TJP3: variants seen among roughly 807,000 people sequenced by gnomAD.
TJP3 encodes tight junction protein ZO-3.
A neutral mutation model predicts 104.2 loss-of-function variants in TJP3; 85 were observed. The ratio of observed to expected loss-of-function variants is 0.82; its 90% CI spans 0.68 to 0.98. The LOEUF (loss-of-function observed/expected upper bound fraction) is 0.98, where lower values mean the gene tolerates loss of function less well. Among genes scored for constraint, TJP3 ranks in the 50% least tolerant of loss-of-function variants. The pLI, the probability that TJP3 is intolerant of heterozygous loss-of-function variation, is 0.00. For missense variants in TJP3, 1,367 were observed against 1,322.8 expected (o/e 1.03, Z -0.52); for synonymous variants, 550 against 550.6 (o/e 1.00, Z 0.02).
At chr19:3,725,992 C>T (rs2036592133) in intron 1 of TJP3, among the ~76,000 whole-genome samples, 2 of 152,238 alleles carry the variant, frequency 1.3e-5, no homozygotes, top group African/African-American at 4.8e-5. Flanking sequence ...CCTCCACCCG[C>T]CTTCCCACTC....
intron 18 of TJP3, among the ~76,000 whole-genome samples, chr19:3,747,510 G>A (rs2145706567): frequency 6.6e-6 from 1 of 152,254 alleles, no homozygotes; most frequent in Middle Eastern, 3.4e-3. Context: ...ACTCCAGCCT[G>A]GCAACAGAGA....
intron 1 of TJP3, among the ~76,000 whole-genome samples, chr19:3,723,675 T>G (rs2036565763): frequency 6.6e-6 from 1 of 151,416 alleles, no homozygotes; most frequent in Non-Finnish European, 1.5e-5. Context: ...CGCCTGTAAT[T>G]CTAGCTACTT....
chr19:3,748,864 T>TC (rs2036946255), intron 19 of TJP3, among the ~76,000 whole-genome samples: 1 of 127,628 alleles, frequency 7.8e-6, no homozygotes, highest in East Asian at 2.2e-4. Flanking sequence ...TTTTTTTTTT[T>TC]TTTTTTTTTT....
chr19:3,738,777 C>A, intron 12 of TJP3, 114 bp downstream of exon 12: 1 of 1,314,522 alleles, frequency 7.6e-7, no homozygotes, highest in Non-Finnish European at 1.1e-6. Flanking sequence ...ACCCTCCATC[C>A]CTCTCCCTGG....
intron 1 of TJP3, among the ~76,000 whole-genome samples, chr19:3,710,617 G>T (rs2036424938): frequency 6.6e-6 from 1 of 152,204 alleles, no homozygotes; most frequent in African/African-American, 2.4e-5. Context: ...TGTTTGCTCA[G>T]GGTGGAACCT....
intron 8 of TJP3, among the ~76,000 whole-genome samples, chr19:3,735,000 A>G (rs1407836987): frequency 6.6e-6 from 1 of 151,942 alleles, no homozygotes; most frequent in African/African-American, 2.4e-5. Context: ...TTGTTTTGAG[A>G]CTGAGTCATG....
chr19:3,749,252 C>T (rs923111757), intron 19 of TJP3, among the ~76,000 whole-genome samples: 17 of 152,110 alleles, frequency 1.1e-4, no homozygotes, highest in African/African-American at 3.6e-4. Context: ...TGGCACAGGG[C>T]GGTGGTGAGC....
In TJP3 at chr19:3,746,744, C is replaced by T; in HGVS notation, c.2222-32C>T. Reference sequence around the variant, plus strand: ...TAGGCGGGTGGGCCCCAGCCTGAGTCTCCTGCACACACTGACGTCCCCTCC... The same window carrying T: ...TAGGCGGGTGGGCCCCAGCCTGAGTTTCCTGCACACACTGACGTCCCCTCC... On this transcript the variant is annotated intron_variant, in intron 17 of 20. Coordinates refer to ENST00000541714, the MANE Select transcript of TJP3 (RefSeq NM_001267560.2). The surrounding 1 kb of genome is among the most constrained non-coding windows in gnomAD (Gnocchi z 4.1). The T allele has an allele frequency of 6.2e-7, 1 of 1,600,236 alleles. No homozygotes were observed. Among genetic ancestry groups the T allele is most frequent in the Non-Finnish European group, 8.5e-7 (1 of 1,173,250 alleles).
chr19:3,746,410 T>TC lies in TJP3; in HGVS notation c.2011-74dup. ...GGGGTCCACTCTGACCTCAGACTCT[T>TC]CATCTTTCTATCTTTCTCTCTCTGT... is the stretch of plus-strand genomic sequence containing the variant. On this transcript the variant is annotated intron_variant, in intron 16 of 20. Transcript: ENST00000541714. This position sits in a 1 kb window ranked among gnomAD's most constrained non-coding sequence, Gnocchi z 4.1. 6.6e-7 allele frequency: 1 copy of TC among 1,526,428 alleles called. No homozygotes were observed. The highest frequency in any genetic ancestry group is 9.0e-7 in the Non-Finnish European group (1 of 1,113,974). 94.6% of individuals were successfully genotyped at this position (1,526,428 alleles called of 1,614,324 possible). A position where few individuals can be genotyped will look rare whatever the true frequency, so the allele number is the denominator to read the frequency against.
Position 3,736,152 on chromosome 19 carries a change from C to A in TJP3, c.1128-13C>A. On this transcript the variant is annotated splice_polypyrimidine_tract_variant and intron_variant, in intron 10 of 20. Coordinates refer to ENST00000541714, the MANE Select transcript of TJP3 (RefSeq NM_001267560.2). Reference sequence around the variant, plus strand: ...CCACTCTGCTCTGACCCCATCTCTGCCTCCCCTTGCAGGTACAGCCCCGAC... The same window carrying A: ...CCACTCTGCTCTGACCCCATCTCTGACTCCCCTTGCAGGTACAGCCCCGAC... 6.3e-7 allele frequency: 1 copy of A among 1,575,456 alleles called. No homozygotes were observed.
chr19:3,716,134 G>A lies in TJP3; in HGVS notation c.-10+7573G>A, dbSNP rs1379411531. Reference sequence around the variant, plus strand: ...ATTGCCCAGGCTGGAGTGCAGTGGCGCCATCTCAGATCACTGCGACCTCTG... The same window carrying A: ...ATTGCCCAGGCTGGAGTGCAGTGGCACCATCTCAGATCACTGCGACCTCTG... On this transcript the variant is annotated intron_variant, in intron 1 of 20. Transcript: ENST00000541714. Among the ~76,000 whole-genome samples, 5 of 145,514 alleles carry A rather than the reference G, an allele frequency of 3.4e-5. 1 individual carries two copies. Among genetic ancestry groups the A allele is most frequent in the Non-Finnish European group, 7.7e-5 (5 of 64,636 alleles).
chr19:3,732,170 C>A, intron 6 of TJP3, 132 bp downstream of exon 6: 1 of 684,856 alleles, frequency 1.5e-6, no homozygotes, highest in Non-Finnish European at 2.3e-6. Context: ...TTGCTTGTAT[C>A]TCAAAGGTTG....
chr19:3,731,235 C>G (rs1311894801), intron 5 of TJP3, among the ~76,000 whole-genome samples: 1 of 152,174 alleles, frequency 6.6e-6, no homozygotes, highest in Non-Finnish European at 1.5e-5. Context: ...TAGGCCACCT[C>G]ACTTAGCAAG....
In TJP3 at chr19:3,734,902, C is replaced by G. The variant is rs150120711; in HGVS notation, c.986+467C>G. On this transcript the variant is annotated intron_variant, in intron 8 of 20. Transcript: ENST00000541714. ...CCAGGAAATGGAGGTTGCAGTGAGC[C>G]GAGATCGTGTCATTACACTGCAGCC... 1.9e-4 allele frequency among the ~76,000 whole-genome samples: 29 copies of G among 152,190 alleles called. No individual in the cohort carries two copies. In the East Asian group the frequency reaches 5.2e-3, roughly 27 times the overall value.
chr19:3,746,804 C>T lies in TJP3; in HGVS notation c.2250C>T (p.Asp750=). Residue 750 remains aspartate (D), a synonymous_variant, in exon 18 of 21, where the codon GAC becomes GAT. Transcript: ENST00000541714. This position sits in a 1 kb window ranked among gnomAD's most constrained non-coding sequence, Gnocchi z 4.1. The part of the protein sequence containing the change: ...TATIPLNGTS[D]TWYQELKAII... The stretch of plus-strand genomic sequence containing the variant: ...CCATCCCTCTGAATGGCACGAGTGA[C>T]ACCTGGTACCAGGAGCTCAAGGCCA... The T allele has an allele frequency of 6.2e-7, 1 of 1,611,486 alleles. No homozygotes were observed. The highest frequency in any genetic ancestry group is 8.5e-7 in the Non-Finnish European group (1 of 1,178,926).
At chr19:3,708,821 T>A (rs2036408156) in intron 1 of TJP3, among the ~76,000 whole-genome samples, 2 of 152,076 alleles carry the variant, frequency 1.3e-5, no homozygotes, top group Admixed American at 1.3e-4. Context: ...GTTACCTAGG[T>A]GGCGCAGGGA....
chr19:3,739,562 G>C (rs2036785146), intron 13 of TJP3, among the ~76,000 whole-genome samples: 1 of 152,190 alleles, frequency 6.6e-6, no homozygotes, highest in East Asian at 1.9e-4. Context: ...GTCCACAAAA[G>C]GCTCTGGGCG....
intron 1 of TJP3, among the ~76,000 whole-genome samples, chr19:3,717,854 A>C (rs1256029801): frequency 2.7e-5 from 4 of 149,332 alleles, no homozygotes; most frequent in Non-Finnish European, 5.9e-5. Flanking sequence ...GGCTCAAGCA[A>C]TCCTCCCAGC....
chr19:3,723,792 C>T (rs1345953774), intron 1 of TJP3, among the ~76,000 whole-genome samples: 1 of 55,986 alleles, frequency 1.8e-5, no homozygotes, highest in East Asian at 3.5e-4. Context: ...CACTCTGTCT[C>T]AAAAGAAAAA....
Sources: allele counts gnomAD v4.1 joint callset (sites outside exome capture counted in the v4.1 genomes callset), GRCh38; gene constraint gnomAD v4.1.1; non-coding constraint Gnocchi (gnomAD v3.1); transcripts MANE v1.5; gene names NCBI Gene and HGNC (gene_info 2026-07-23, HGNC 2026-07-21).